Variants in CSDE1 observed in about 807,000 individuals in gnomAD.
The protein encoded by CSDE1 is cold shock domain-containing protein E1.
A neutral mutation model predicts 89.3 loss-of-function variants in CSDE1; 17 were observed. The observed-to-expected ratio is 0.19, with a 90% CI of 0.13 to 0.29. The LOEUF (loss-of-function observed/expected upper bound fraction) is 0.29, where lower values mean the gene tolerates loss of function less well. CSDE1 is among the 10% of genes least tolerant of loss of function. The pLI, the probability that CSDE1 is intolerant of heterozygous loss-of-function variation, is 1.00. For missense variants in CSDE1, 672 were observed against 984.2 expected, an observed-to-expected ratio of 0.68 and a Z score of 4.24; for synonymous variants, 322 against 332.8, an observed-to-expected ratio of 0.97 and a Z score of 0.35.
At position 114,730,275 on chromosome 1, in the gene CSDE1, T is replaced by A; in HGVS notation, c.1339A>T (p.Asn447Tyr). ...TFSNPKTTSP[N>Y]KGKEKEAEDG... ...AAACCTACCTTCTCTTTGCCTTTATTTGGGCTAGTGGTTTTAGGATTGGAA... is the reference window on the plus strand; with the variant it reads ...AAACCTACCTTCTCTTTGCCTTTATATGGGCTAGTGGTTTTAGGATTGGAA... The change falls in exon 12 of 20, where the codon AAT becomes TAT. Residue 447 changes from asparagine (N) to tyrosine (Y), a missense_variant. Asn to Tyr is a moderately radical substitution (Grantham distance 143, BLOSUM62 -2). Coordinates refer to ENST00000358528, the MANE Select transcript of CSDE1 (RefSeq NM_001007553.3). 2 of 1,612,718 alleles carry A rather than the reference T, an allele frequency of 1.2e-6. No homozygotes were observed. Among genetic ancestry groups the A allele is most frequent in the Non-Finnish European group, 1.7e-6 (2 of 1,179,738 alleles).
intron 1 of CSDE1, among the ~76,000 whole-genome samples, chr1:114,751,829 T>C (rs1292448729): frequency 3.3e-5 from 5 of 152,218 alleles, no homozygotes; most frequent in Admixed American, 3.3e-4. Context: ...CAAGTTGTGT[T>C]AGTATTTCCC....
At position 114,743,877 on chromosome 1, in the gene CSDE1, C is replaced by G. The variant is rs1660870331; in HGVS notation, c.1-3987G>C. ...CTAGCCTTTATCCATTTGGAGGAAG[C>G]CTTTATTTTATTTTTCCAAAGGGAA... On this transcript the variant is annotated intron_variant, in intron 2 of 19. Transcript: ENST00000358528. 3.3e-5 allele frequency among the ~76,000 whole-genome samples: 5 copies of G among 152,278 alleles called. No homozygotes were observed. In the South Asian group the frequency reaches 1.0e-3, roughly 32 times the overall value.
intron 3 of CSDE1, among the ~76,000 whole-genome samples, chr1:114,739,034 G>A (rs1456056874): frequency 6.7e-6 from 1 of 149,908 alleles, no homozygotes; most frequent in African/African-American, 2.4e-5. Flanking sequence ...TCTAAGAGGT[G>A]ACTTTTTTTT....
chr1:114,738,422 C>T (rs1003243210), intron 3 of CSDE1, among the ~76,000 whole-genome samples: 3 of 152,036 alleles, frequency 2.0e-5, no homozygotes, highest in Non-Finnish European at 2.9e-5. Flanking sequence ...AATGAGATGA[C>T]TTAACAATCA....
chr1:114,721,884 CT>C (rs77950889), intron 16 of CSDE1, among the ~76,000 whole-genome samples: 161 of 128,140 alleles, frequency 1.3e-3, no homozygotes, highest in African/African-American at 1.3e-3. Flanking sequence ...CCACACCTGA[CT>C]TTTTTTTTTT....
chr1:114,745,435 A>G (rs1660963896), intron 2 of CSDE1, among the ~76,000 whole-genome samples: 1 of 152,208 alleles, frequency 6.6e-6, no homozygotes, highest in South Asian at 2.1e-4. Flanking sequence ...GAGACATAAG[A>G]TATTTATACA....
intron 4 of CSDE1, 68 bp downstream of exon 4, chr1:114,737,895 C>T: frequency 9.5e-7 from 1 of 1,050,008 alleles, no homozygotes; most frequent in East Asian, 2.4e-5. Flanking sequence ...GGAGAATCTT[C>T]CTTTTCTAAT....
In CSDE1 at chr1:114,731,106, CTCTT is replaced by C. The variant is rs1660074007; in HGVS notation, c.1051-462_1051-459del. ...AAGAATAAAATATATGCAATCTTTTCTCTTTTTTTTTTTTCCTTCTTACTAAATT... is the reference window on the plus strand; with the variant it reads ...AAGAATAAAATATATGCAATCTTTTCTTTTTTTTTTCCTTCTTACTAAATT... On this transcript the variant is annotated intron_variant, in intron 10 of 19. Transcript: ENST00000358528. Among the ~76,000 whole-genome samples, 4 of 151,234 alleles carry C rather than the reference CTCTT, an allele frequency of 2.6e-5. No homozygotes were observed. The South Asian group carries it at 6.2e-4, about 24-fold the overall frequency.
chr1:114,736,860 GAATT>G lies in CSDE1; in HGVS notation c.403-9_403-6del. On this transcript the variant is annotated splice_polypyrimidine_tract_variant and splice_region_variant and intron_variant, in intron 5 of 19. Transcript: ENST00000358528. The stretch of plus-strand genomic sequence containing the variant: ...GTAAGTCAGATAAAACACTTCCTGT[GAATT>G]AATAAATCATTATTACTATTTTGGC... The G allele has an allele frequency of 6.3e-7, 1 of 1,595,488 alleles. No individual in the cohort carries two copies. The highest frequency in any genetic ancestry group is 8.6e-7 in the Non-Finnish European group (1 of 1,164,878).
At chr1:114,732,064 T>C (rs1464471041) in intron 10 of CSDE1, among the ~76,000 whole-genome samples, 1 of 151,832 alleles carries the variant, frequency 6.6e-6, no homozygotes, top group Non-Finnish European at 1.5e-5. Flanking sequence ...ATCACCCGCC[T>C]CAGCCTCCCA....
chr1:114,735,081 A>ACC (rs1314116529), intron 6 of CSDE1, among the ~76,000 whole-genome samples: 6 of 152,200 alleles, frequency 3.9e-5, no homozygotes, highest in Non-Finnish European at 8.8e-5. Context: ...AGTGACTTTA[A>ACC]GAGAACTTGC....
chr1:114,744,978 C>T (rs1423907423), intron 2 of CSDE1, among the ~76,000 whole-genome samples: 1 of 151,954 alleles, frequency 6.6e-6, no homozygotes, highest in Non-Finnish European at 1.5e-5. Flanking sequence ...AAACTTTATA[C>T]ACAAAAGCTA....
At position 114,719,762 on chromosome 1, in the gene CSDE1, A is replaced by G; in HGVS notation, c.2053-20T>C. 6.2e-7 allele frequency: 1 copy of G among 1,605,384 alleles called. No individual in the cohort carries two copies. Among genetic ancestry groups the G allele is most frequent in the East Asian group, 2.2e-5 (1 of 44,858 alleles). On this transcript the variant is annotated intron_variant, in intron 17 of 19. Coordinates refer to ENST00000358528, the MANE Select transcript of CSDE1 (RefSeq NM_001007553.3). ...GCCAAACTGAAAAAAAAAAGTAGGT[A>G]AAAAAGAGAGGGCATGCCACACCTC...
intron 16 of CSDE1, among the ~76,000 whole-genome samples, chr1:114,723,123 C>G (rs184538457): frequency 7.9e-5 from 12 of 152,226 alleles, no homozygotes; most frequent in African/African-American, 2.4e-4. Context: ...TCCCAAAGTG[C>G]TGGGATTACA....
chr1:114,718,796 C>T (rs376878545), intron 18 of CSDE1, 51 bp from the exon 19 acceptor site: 11 of 1,596,042 alleles, frequency 6.9e-6, no homozygotes, highest in Non-Finnish European at 8.5e-6. Flanking sequence ...GGGCAGACAG[C>T]AAGCACTTGC....
chr1:114,735,143 T>C (rs1056156916), intron 6 of CSDE1, among the ~76,000 whole-genome samples: 1 of 152,206 alleles, frequency 6.6e-6, no homozygotes, highest in Admixed American at 6.5e-5. Context: ...GGAAACAAGT[T>C]AGAGACACCA....
chr1:114,741,645 A>C, intron 2 of CSDE1: 1 of 1,546,542 alleles, frequency 6.5e-7, no homozygotes, highest in Non-Finnish European at 8.7e-7. Context: ...ATCTGATGAC[A>C]CAGTAAAAAC....
intron 2 of CSDE1, among the ~76,000 whole-genome samples, chr1:114,741,989 C>A (rs1660751647): frequency 6.6e-6 from 1 of 152,142 alleles, no homozygotes. Flanking sequence ...TCACTAGTCT[C>A]CCTAGAGTAC....
At chr1:114,742,253 T>C (rs955441587) in intron 2 of CSDE1, among the ~76,000 whole-genome samples, 1 of 152,140 alleles carries the variant, frequency 6.6e-6, no homozygotes, top group Admixed American at 6.5e-5. Context: ...GATAAGGAGA[T>C]ATATAAATTT....
Sources: allele counts gnomAD v4.1 joint callset (sites outside exome capture counted in the v4.1 genomes callset), GRCh38; gene constraint gnomAD v4.1.1; transcripts MANE v1.5; gene names NCBI Gene and HGNC (gene_info 2026-07-23, HGNC 2026-07-21).